Variants in RAPGEF5 observed in about 807,000 individuals in gnomAD.
RAPGEF5 encodes Rap guanine nucleotide exchange factor 5, also known as M-Ras-regulated GEF.
In RAPGEF5, 65 loss-of-function variants were observed where a neutral mutation model predicts 125.2. That is an observed-to-expected ratio of 0.52 (90% CI 0.43 to 0.64). The LOEUF (loss-of-function observed/expected upper bound fraction) is 0.64. RAPGEF5 is among the 30% of genes least tolerant of loss of function. The probability of loss-of-function intolerance (pLI) is 0.00; values close to 1 mark genes in which losing one functional copy is unlikely to be tolerated. For synonymous variants in RAPGEF5, 391 were observed against 385.9 expected, an observed-to-expected ratio of 1.01 and a Z score of -0.16; for missense variants, 958 against 1,048.1, an observed-to-expected ratio of 0.91 and a Z score of 1.19.
intron 3 of RAPGEF5, chr7:22,314,595 G>C: frequency 1.0e-6 from 1 of 975,034 alleles, no homozygotes; most frequent in Non-Finnish European, 1.2e-6. Flanking sequence ...CATGAATCCT[G>C]AGTCCTCTTC....
chr7:22,232,022 A>G (rs1479260448), intron 7 of RAPGEF5, among the ~76,000 whole-genome samples: 2 of 152,220 alleles, frequency 1.3e-5, no homozygotes, highest in Non-Finnish European at 2.9e-5. Context: ...TTGCCTGCAG[A>G]TGACAATGAC....
intron 7 of RAPGEF5, among the ~76,000 whole-genome samples, chr7:22,253,654 C>A (rs1465182332): frequency 6.6e-6 from 1 of 152,138 alleles, no homozygotes; most frequent in Non-Finnish European, 1.5e-5. Context: ...AAAATAATAT[C>A]TCTATAGCTT....
rs189853418 is a variant in RAPGEF5 at position 22,224,624 on chromosome 7, C to T, written c.871-4633G>A. ...TGCTCCCCAGTATGGCCCTCCCATA[C>T]AAAAGACAGCATGTGGGGAATGGAG... On this transcript the variant is annotated intron_variant, in intron 8 of 25. Transcript: ENST00000665637. 1.4e-3 allele frequency among the ~76,000 whole-genome samples: 216 copies of T among 152,150 alleles called. 1 individual carries two copies. The highest frequency in any genetic ancestry group is 1.7e-3 in the Non-Finnish European group (115 of 67,986).
Position 22,162,595 on chromosome 7 carries a change from A to G in RAPGEF5, c.1284-54T>C. 3.4e-6 allele frequency: 5 copies of G among 1,487,616 alleles called. No homozygotes were observed. The Admixed American group carries it at 5.4e-5, about 16-fold the overall frequency. The allele number at this position is 1,487,616 out of a possible 1,614,324, so 92.2% of individuals were successfully genotyped here. On this transcript the variant is annotated intron_variant, in intron 12 of 25. Transcript: ENST00000665637. Reference sequence around the variant, plus strand: ...GTTGAAAATTTTAAAATATGAAGACATCCATTTACTCTTATTTTTACAAAA... The same window carrying G: ...GTTGAAAATTTTAAAATATGAAGACGTCCATTTACTCTTATTTTTACAAAA...
At chr7:22,184,013 T>C (rs1784754803) in intron 11 of RAPGEF5, among the ~76,000 whole-genome samples, 1 of 152,202 alleles carries the variant, frequency 6.6e-6, no homozygotes, top group Non-Finnish European at 1.5e-5. Flanking sequence ...TATAATACTT[T>C]GGTTTGTTTC....
Position 22,269,614 on chromosome 7 carries a change from A to G in RAPGEF5, c.748-2602T>C, listed in dbSNP as rs1327972104. The stretch of plus-strand genomic sequence containing the variant: ...TAAGTTACTCCCAGCAGAAATCTTC[A>G]GAACATGTTAGAAGGATTCAAAGCT... On this transcript the variant is annotated intron_variant, in intron 6 of 25. Transcript: ENST00000665637. 2.0e-5 allele frequency among the ~76,000 whole-genome samples: 3 copies of G among 152,286 alleles called. No homozygotes were observed. In the South Asian group the frequency reaches 6.2e-4, roughly 31 times the overall value.
At chr7:22,138,006 T>TAC (rs57116603) in intron 21 of RAPGEF5, among the ~76,000 whole-genome samples, 23,909 of 148,426 alleles carry the variant, frequency 0.16, 2,256 homozygotes, top group African/African-American at 0.27. Context: ...GTTTGGAAAC[T>TAC]ACACACACAC....
In RAPGEF5 at chr7:22,232,248, T is replaced by C. The variant is rs541182309; in HGVS notation, c.797-1329A>G. Among the ~76,000 whole-genome samples, 9 of 152,188 alleles carry C rather than the reference T, an allele frequency of 5.9e-5. No homozygotes were observed. The South Asian group carries it at 1.2e-3, about 21-fold the overall frequency. On this transcript the variant is annotated intron_variant, in intron 7 of 25. Coordinates refer to ENST00000665637, the MANE Select transcript of RAPGEF5 (RefSeq NM_012294.5). ...TCTTCATCAAAAGTAGGCCAAAGCA[T>C]ACCAACCTAGCTGACAGTGAGGTCA... is the stretch of plus-strand genomic sequence containing the variant.
intron 1 of RAPGEF5, among the ~76,000 whole-genome samples, chr7:22,335,708 CAAA>C: frequency 1.5e-5 from 1 of 66,688 alleles, no homozygotes; most frequent in East Asian, 4.7e-4. Context: ...AAAAAAACAA[CAAA>C]ACAACAACAA....
At chr7:22,142,103 G>A (rs1257165674) in intron 20 of RAPGEF5, among the ~76,000 whole-genome samples, 1 of 152,182 alleles carries the variant, frequency 6.6e-6, no homozygotes, top group African/African-American at 2.4e-5. Context: ...AGAGGCTCTT[G>A]TGGTCAGTAA....
intron 1 of RAPGEF5, among the ~76,000 whole-genome samples, chr7:22,336,254 T>C (rs2128158742): frequency 6.6e-6 from 1 of 152,330 alleles, no homozygotes. Flanking sequence ...ATCTGTTACA[T>C]CATGTCCACA....
intron 6 of RAPGEF5, among the ~76,000 whole-genome samples, chr7:22,272,275 G>A (rs28516962): frequency 0.15 from 22,938 of 149,828 alleles, 1,805 homozygotes; most frequent in South Asian, 0.23. Context: ...CCCGGGAGGC[G>A]GAGGTTGCAG....
chr7:22,193,448 C>T lies in RAPGEF5; in HGVS notation c.1123G>A (p.Val375Met). 6.3e-7 allele frequency: 1 copy of T among 1,590,328 alleles called. No individual in the cohort carries two copies. Among genetic ancestry groups the T allele is most frequent in the South Asian group, 1.2e-5 (1 of 86,900 alleles). Residue 375 changes from valine (V) to methionine (M), a missense_variant, in exon 11 of 26, where the codon GTG (valine) becomes ATG (methionine). By Grantham distance (21) the Val-to-Met change is conservative. Coordinates refer to ENST00000665637, the MANE Select transcript of RAPGEF5 (RefSeq NM_012294.5). ...GSAESHWRYV[V>M]VSGTPEKILE... Reference sequence around the variant, plus strand: ...ATCTTCTCCGGGGTCCCGGACACCACCACATATCTGTCAGAGAGCAGAGAG... The same window carrying T: ...ATCTTCTCCGGGGTCCCGGACACCATCACATATCTGTCAGAGAGCAGAGAG...
intron 25 of RAPGEF5, 76 bp downstream of exon 25, chr7:22,125,528 C>A: frequency 1.5e-6 from 2 of 1,359,804 alleles, no homozygotes; most frequent in Non-Finnish European, 1.1e-6. Flanking sequence ...AAATTGATTA[C>A]CACCCAATAC....
At chr7:22,264,661 C>T (rs1225399686) in intron 7 of RAPGEF5, among the ~76,000 whole-genome samples, 2 of 152,174 alleles carry the variant, frequency 1.3e-5, no homozygotes, top group African/African-American at 4.8e-5. Flanking sequence ...AGCCACAGGA[C>T]TCACTCCCTC....
chr7:22,206,434 G>A (rs1785397839), intron 9 of RAPGEF5, among the ~76,000 whole-genome samples: 1 of 152,144 alleles, frequency 6.6e-6, no homozygotes, highest in South Asian at 2.1e-4. Context: ...AATCTCAGTG[G>A]CTAATGCTTA....
At chr7:22,270,250 A>G (rs1360361470) in intron 6 of RAPGEF5, among the ~76,000 whole-genome samples, 1 of 152,296 alleles carries the variant, frequency 6.6e-6, no homozygotes, top group East Asian at 1.9e-4. Flanking sequence ...CTCTCTGGCC[A>G]CTAGAGCCAG....
chr7:22,258,726 A>C (rs1452247512), intron 7 of RAPGEF5, among the ~76,000 whole-genome samples: 1 of 152,034 alleles, frequency 6.6e-6, no homozygotes, highest in East Asian at 1.9e-4. Context: ...ATCTTTGACA[A>C]GGAGCAAAGG....
At chr7:22,126,565 C>G (rs2128097999) in intron 24 of RAPGEF5, among the ~76,000 whole-genome samples, 1 of 152,324 alleles carries the variant, frequency 6.6e-6, no homozygotes, top group African/African-American at 2.4e-5. Context: ...TAAATTGTAA[C>G]TGGAAATGAG....
Sources: allele counts gnomAD v4.1 joint callset (sites outside exome capture counted in the v4.1 genomes callset), GRCh38; gene constraint gnomAD v4.1.1; transcripts MANE v1.5; gene names NCBI Gene and HGNC (gene_info 2026-07-23, HGNC 2026-07-21).